CBFB: variants seen among roughly 807,000 people sequenced by gnomAD.
CBFB encodes CBF-beta.
Under a neutral mutation model 30.4 loss-of-function variants are expected in CBFB, and 9 were observed. The ratio of observed to expected loss-of-function variants is 0.30; its 90% confidence interval spans 0.18 to 0.52. The LOEUF (loss-of-function observed/expected upper bound fraction) is 0.52. Among genes scored for constraint, CBFB ranks in the 20% least tolerant of loss-of-function variants. The probability of loss-of-function intolerance (pLI) is 0.97; values close to 1 mark genes in which losing one functional copy is unlikely to be tolerated. For missense variants in CBFB, 170 were observed against 244.0 expected, an observed-to-expected ratio of 0.70 and a Z score of 2.02; for synonymous variants, 94 against 84.0, an observed-to-expected ratio of 1.12 and a Z score of -0.65.
chr16:67,079,944 C>G (rs531308681), intron 4 of CBFB, among the ~76,000 whole-genome samples: 2 of 152,070 alleles, frequency 1.3e-5, no homozygotes, highest in East Asian at 3.9e-4. Flanking sequence ...GTCAGGAGTT[C>G]GAGACCAGCC....
intron 4 of CBFB, among the ~76,000 whole-genome samples, chr16:67,074,536 T>G (rs1961331955): frequency 6.6e-6 from 1 of 151,872 alleles, no homozygotes. Flanking sequence ...GCACGTGCCA[T>G]CATACCCTGC....
chr16:67,036,052 C>T (rs1966435650), intron 2 of CBFB, among the ~76,000 whole-genome samples: 1 of 151,720 alleles, frequency 6.6e-6, no homozygotes, highest in South Asian at 2.1e-4. Context: ...CCAAGTTCTC[C>T]TAAAGTCAAA....
intron 1 of CBFB, 94 bp from the exon 2 acceptor site, chr16:67,029,633 C>A: frequency 7.4e-7 from 1 of 1,346,724 alleles, no homozygotes; most frequent in South Asian, 1.3e-5. Context: ...CGCCCGCAGC[C>A]TCTGCTTGCC....
At position 67,029,735 on chromosome 16, in the gene CBFB, C is replaced by T. The variant is rs960110791; in HGVS notation, c.87C>T (p.Tyr29=). ...GCCGTCTTGCCTTGCAGATTAAGTA[C>T]ACGGGCTTCAGGGACCGGCCCCACG... ...RKLSRECEIK[Y]TGFRDRPHEE... is the part of the protein sequence containing the mutation. The change falls in exon 2 of 6, where the codon TAC becomes TAT. Residue 29 remains tyrosine (Y), a synonymous_variant. Coordinates refer to ENST00000412916, the MANE Select transcript of CBFB (RefSeq NM_022845.3). 6 of 1,594,272 alleles carry T rather than the reference C, an allele frequency of 3.8e-6. No homozygotes were observed. The South Asian group carries it at 5.6e-5, about 15-fold the overall frequency.
chr16:67,070,372 T>C (rs1398107532), intron 4 of CBFB, among the ~76,000 whole-genome samples: 2 of 152,120 alleles, frequency 1.3e-5, no homozygotes, highest in Non-Finnish European at 2.9e-5. Context: ...GACCTTCATC[T>C]CTAAACATAA....
intron 5 of CBFB, 55 bp from the exon 6 acceptor site, chr16:67,098,655 G>T: frequency 9.9e-7 from 1 of 1,011,546 alleles, no homozygotes; most frequent in Non-Finnish European, 1.6e-6. Context: ...TGTATATCTA[G>T]TATTTTGATT....
In CBFB at chr16:67,056,960, G is replaced by A. The variant is rs553752066; in HGVS notation, c.283-9722G>A. On this transcript the variant is annotated intron_variant, in intron 3 of 5. Transcript: ENST00000412916. ...CTCCCAAAGTGCAGGGATTACAGGC[G>A]TGAGCCACCATGCCCGGCCTCTAGC... Among the ~76,000 whole-genome samples, 19 of 152,032 alleles carry A rather than the reference G, an allele frequency of 1.2e-4. No individual in the cohort carries two copies. In the South Asian group the frequency reaches 2.1e-3, roughly 17 times the overall value.
At chr16:67,069,631 C>T (rs1335178704) in intron 4 of CBFB, among the ~76,000 whole-genome samples, 3 of 152,180 alleles carry the variant, frequency 2.0e-5, no homozygotes, top group African/African-American at 7.2e-5. Context: ...CCAAGAAGCT[C>T]AATGGACACT....
intron 5 of CBFB, among the ~76,000 whole-genome samples, chr16:67,095,376 G>T (rs1962015300): frequency 6.6e-6 from 1 of 152,128 alleles, no homozygotes; most frequent in Non-Finnish European, 1.5e-5. Flanking sequence ...AATTAGCCAG[G>T]TGTGGTGCTG....
intron 2 of CBFB, among the ~76,000 whole-genome samples, chr16:67,035,159 A>G (rs1597121661): frequency 6.6e-6 from 1 of 151,970 alleles, no homozygotes; most frequent in South Asian, 2.1e-4. Context: ...GGCTGACTGC[A>G]TGCAACCTCT....
intron 5 of CBFB, among the ~76,000 whole-genome samples, chr16:67,092,204 A>T (rs1961905512): frequency 1.3e-5 from 2 of 151,910 alleles, no homozygotes; most frequent in Non-Finnish European, 2.9e-5. Context: ...TTGCTGTGTT[A>T]GTTCTCTGAG....
intron 3 of CBFB, among the ~76,000 whole-genome samples, chr16:67,054,543 TATTA>T (rs987778127): frequency 5.3e-5 from 8 of 152,202 alleles, no homozygotes; most frequent in Admixed American, 1.3e-4. Flanking sequence ...AATTTTCTTA[TATTA>T]ATTGATGACT....
At chr16:67,047,273 G>A (rs1390739481) in intron 3 of CBFB, among the ~76,000 whole-genome samples, 2 of 152,152 alleles carry the variant, frequency 1.3e-5, no homozygotes, top group African/African-American at 4.8e-5. Context: ...GCCATGTGTG[G>A]AAACTATTTA....
rs2145713844 is a variant in CBFB, at chr16:67,036,750, G to A, written c.277G>A (p.Gly93Ser). 6.4e-7 allele frequency: 1 copy of A among 1,573,998 alleles called. No homozygotes were observed. Among genetic ancestry groups the A allele is most frequent in the Non-Finnish European group, 8.7e-7 (1 of 1,143,582 alleles). Reference sequence around the variant, plus strand: ...GTATGTCGACTTAGAAAGAGAAGCAGGCAAGGTAGGAAACATTTCTTTGCA... The same window carrying A: ...GTATGTCGACTTAGAAAGAGAAGCAAGCAAGGTAGGAAACATTTCTTTGCA... ...REYVDLEREA[G>S]KVYLKAPMIL... The change falls in exon 3 of 6, where the codon GGC becomes AGC. Residue 93 changes from glycine (G) to serine (S), a missense_variant. Coordinates refer to ENST00000412916, the MANE Select transcript of CBFB (RefSeq NM_022845.3).
intron 3 of CBFB, among the ~76,000 whole-genome samples, chr16:67,064,355 C>T (rs766994320): frequency 2.0e-5 from 3 of 152,056 alleles, no homozygotes; most frequent in African/African-American, 2.4e-5. Flanking sequence ...TACAGGCACC[C>T]GCCACCATGC....
intron 3 of CBFB, among the ~76,000 whole-genome samples, chr16:67,059,253 G>A (rs970711053): frequency 6.6e-6 from 1 of 152,094 alleles, no homozygotes; most frequent in African/African-American, 2.4e-5. Flanking sequence ...GTAGACTTAG[G>A]TTCTTCCTTT....
chr16:67,051,794 G>A (rs866093063), intron 3 of CBFB, among the ~76,000 whole-genome samples: 38 of 150,868 alleles, frequency 2.5e-4, no homozygotes, highest in African/African-American at 8.5e-4. Flanking sequence ...TGTTGCCCAG[G>A]CTGGAGCGCA....
At chr16:67,047,138 C>T (rs1430019031) in intron 3 of CBFB, among the ~76,000 whole-genome samples, 2 of 151,302 alleles carry the variant, frequency 1.3e-5, no homozygotes, top group Admixed American at 6.6e-5. Flanking sequence ...AGTGAAACCC[C>T]GTCTCTACTA....
chr16:67,083,878 A>G (rs1332623006), intron 5 of CBFB, among the ~76,000 whole-genome samples: 1 of 152,096 alleles, frequency 6.6e-6, no homozygotes, highest in East Asian at 1.9e-4. Flanking sequence ...TTTAAAAATT[A>G]TATTCTAGGG....
Sources: gnomAD v4.1 joint callset for allele counts (sites outside exome capture counted in the v4.1 genomes callset) on GRCh38, gnomAD v4.1.1 for gene constraint, MANE v1.5 for transcripts, NCBI Gene and HGNC (gene_info 2026-07-23, HGNC 2026-07-21) for gene names.